Variants in REDIC1 observed in about 807,000 individuals in gnomAD.
The protein encoded by REDIC1 is regulator of DNA class I crossover intermediates 1.
chr12:39,828,525 T>A, the REDIC1 span, among the ~76,000 whole-genome samples: 293 of 152,264 alleles, frequency 1.9e-3, 2 homozygotes, highest in African/African-American at 6.6e-3. Flanking sequence ...AACTCCTGCT[T>A]TGAGGCCTCT....
chr12:39,793,241 G>A, the REDIC1 span, among the ~76,000 whole-genome samples: 1 of 152,054 alleles, frequency 6.6e-6, no homozygotes, highest in East Asian at 1.9e-4. Flanking sequence ...ATTTATAATA[G>A]CACTAGAAAA....
At chr12:39,712,222 G>GTA in the REDIC1 span, among the ~76,000 whole-genome samples, 1 of 112,772 alleles carries the variant, frequency 8.9e-6, no homozygotes, top group Admixed American at 9.1e-5. Context: ...ATATATACAT[G>GTA]TATATATACC....
chr12:39,669,992 C>T, the REDIC1 span, among the ~76,000 whole-genome samples: 4 of 152,252 alleles, frequency 2.6e-5, no homozygotes, highest in African/African-American at 9.6e-5. Flanking sequence ...TGATCCCTTG[C>T]GCTTCCCAAG....
At chr12:39,697,826 GACAA>G in the REDIC1 span, among the ~76,000 whole-genome samples, 11 of 152,054 alleles carry the variant, frequency 7.2e-5, no homozygotes, top group South Asian at 1.9e-3. Flanking sequence ...CTAAAAGGAA[GACAA>G]GAAGGAAGGA....
At chr12:39,871,485 GAA>G in the REDIC1 span, among the ~76,000 whole-genome samples, 33 of 150,472 alleles carry the variant, frequency 2.2e-4, no homozygotes, top group Middle Eastern at 3.5e-3. Flanking sequence ...AAAAAGGATA[GAA>G]AAAAAAAACA....
chr12:39,663,689 T>A, the REDIC1 span, among the ~76,000 whole-genome samples: 29 of 152,166 alleles, frequency 1.9e-4, no homozygotes, highest in African/African-American at 6.5e-4. Context: ...GGTTTGATTT[T>A]CTGGTGTGGT....
the REDIC1 span, among the ~76,000 whole-genome samples, chr12:39,694,592 T>C: frequency 6.6e-6 from 1 of 152,212 alleles, no homozygotes; most frequent in African/African-American, 2.4e-5. Flanking sequence ...TAGTGGTCAA[T>C]ACTTGAGTTT....
chr12:39,868,060 T>C, the REDIC1 span, among the ~76,000 whole-genome samples: 2 of 152,258 alleles, frequency 1.3e-5, no homozygotes, highest in Non-Finnish European at 1.5e-5. Flanking sequence ...ATTTAGTTAG[T>C]TACAGATGTT....
At chr12:39,696,815 A>T in the REDIC1 span, among the ~76,000 whole-genome samples, 72 of 152,292 alleles carry the variant, frequency 4.7e-4, no homozygotes, top group African/African-American at 1.5e-3. Context: ...TTAACAGCAG[A>T]ACTGATCAAG....
chr12:39,759,876 TCTTCCTCCTAA>T, the REDIC1 span: 1 of 604,854 alleles, frequency 1.7e-6, no homozygotes, highest in Admixed American at 3.1e-5. Flanking sequence ...CATGGTTGTA[TCTTCCTCCTAA>T]TCAAGTATTC....
the REDIC1 span, among the ~76,000 whole-genome samples, chr12:39,865,306 G>A: frequency 6.6e-6 from 1 of 152,128 alleles, no homozygotes; most frequent in Admixed American, 6.5e-5. Context: ...TTCTTCTAAT[G>A]ACATTCAATC....
the REDIC1 span, among the ~76,000 whole-genome samples, chr12:39,685,682 C>A: frequency 1.3e-5 from 2 of 152,140 alleles, no homozygotes; most frequent in African/African-American, 4.8e-5. Context: ...AAAATACAAT[C>A]ATGCATTTCC....
At chr12:39,640,509 C>T in the REDIC1 span, among the ~76,000 whole-genome samples, 1 of 151,844 alleles carries the variant, frequency 6.6e-6, no homozygotes, top group African/African-American at 2.4e-5. Context: ...GTTGCTCTAG[C>T]AATACACTTC....
At chr12:39,682,160 G>A in the REDIC1 span, among the ~76,000 whole-genome samples, 1 of 151,794 alleles carries the variant, frequency 6.6e-6, no homozygotes, top group African/African-American at 2.4e-5. Context: ...ATCCATATTA[G>A]GTTGAAAAAT....
the REDIC1 span, among the ~76,000 whole-genome samples, chr12:39,659,495 T>C: frequency 6.6e-6 from 1 of 152,128 alleles, no homozygotes; most frequent in East Asian, 1.9e-4. Flanking sequence ...TTTTATTTTA[T>C]GTAGATTATA....
chr12:39,697,696 C>T, the REDIC1 span, among the ~76,000 whole-genome samples: 2 of 152,100 alleles, frequency 1.3e-5, no homozygotes, highest in Non-Finnish European at 2.9e-5. Flanking sequence ...AGCTTAAAAT[C>T]ATGAGTTCTA....
At chr12:39,691,414 C>A in the REDIC1 span, among the ~76,000 whole-genome samples, 4 of 151,986 alleles carry the variant, frequency 2.6e-5, no homozygotes, top group Non-Finnish European at 5.9e-5. Context: ...TATAGTAAGC[C>A]ATAAAGAAAA....
the REDIC1 span, among the ~76,000 whole-genome samples, chr12:39,660,500 C>CT: frequency 2.1e-4 from 32 of 152,034 alleles, no homozygotes; most frequent in African/African-American, 7.7e-4. Flanking sequence ...ATATTTTGTT[C>CT]TTTTTTTTTA....
At chr12:39,714,021 A>AT in the REDIC1 span, among the ~76,000 whole-genome samples, 1 of 141,744 alleles carries the variant, frequency 7.1e-6, no homozygotes, top group Non-Finnish European at 1.6e-5. Flanking sequence ...ATACGTTTAT[A>AT]TAAGTATATA....
Sources: gnomAD v4.1 joint callset for allele counts (sites outside exome capture counted in the v4.1 genomes callset) on GRCh38, gnomAD v4.1.1 for gene constraint, MANE v1.5 for transcripts, NCBI Gene and HGNC (gene_info 2026-07-23, HGNC 2026-07-21) for gene names.